AKAP19: variants seen among roughly 807,000 people sequenced by gnomAD.
AKAP19 encodes A-kinase anchoring protein 19, also known as small A-kinase anchoring protein.
At chr2:189,976,472 C>T in the AKAP19 span, among the ~76,000 whole-genome samples, 6 of 152,192 alleles carry the variant, frequency 3.9e-5, no homozygotes, top group South Asian at 2.1e-4. Flanking sequence ...TCTCCAGCTG[C>T]GTGCTGGGAG....
At chr2:189,933,345 T>TTTG in the AKAP19 span, among the ~76,000 whole-genome samples, 1 of 152,036 alleles carries the variant, frequency 6.6e-6, no homozygotes, top group African/African-American at 2.4e-5. Flanking sequence ...TAGCATTATG[T>TTTG]TTGTCACACT....
At chr2:190,073,974 G>A in the AKAP19 span, among the ~76,000 whole-genome samples, 1 of 151,570 alleles carries the variant, frequency 6.6e-6, no homozygotes, top group African/African-American at 2.4e-5. Context: ...CCTGGGAGGC[G>A]GAGGTTACAG....
the AKAP19 span, among the ~76,000 whole-genome samples, chr2:190,141,404 G>C: frequency 6.6e-6 from 1 of 152,120 alleles, no homozygotes. Context: ...CCTGAGACTG[G>C]GTAATTTATA....
At chr2:190,127,414 A>G in the AKAP19 span, among the ~76,000 whole-genome samples, 1 of 152,134 alleles carries the variant, frequency 6.6e-6, no homozygotes, top group Admixed American at 6.5e-5. Context: ...TAAATGGGAT[A>G]TTGAGAAGTG....
At chr2:190,031,264 G>A in the AKAP19 span, among the ~76,000 whole-genome samples, 1 of 152,202 alleles carries the variant, frequency 6.6e-6, no homozygotes, top group African/African-American at 2.4e-5. Flanking sequence ...GGGAAGGGCA[G>A]TATAGAGCAG....
chr2:190,090,539 T>C, the AKAP19 span, among the ~76,000 whole-genome samples: 28 of 152,208 alleles, frequency 1.8e-4, 1 homozygote, highest in East Asian at 1.9e-4. Flanking sequence ...TTCAGAACAG[T>C]CTTTTTTCTA....
the AKAP19 span, among the ~76,000 whole-genome samples, chr2:190,079,010 T>A: frequency 6.6e-6 from 1 of 152,284 alleles, no homozygotes; most frequent in East Asian, 1.9e-4. Context: ...AAAAAAACAT[T>A]TCATTTATTA....
the AKAP19 span, among the ~76,000 whole-genome samples, chr2:190,168,131 C>A: frequency 6.6e-6 from 1 of 152,318 alleles, no homozygotes; most frequent in Non-Finnish European, 1.5e-5. Context: ...GTTCTCAAAC[C>A]TCAATTCTTA....
chr2:189,982,201 T>G, the AKAP19 span, among the ~76,000 whole-genome samples: 16 of 151,194 alleles, frequency 1.1e-4, no homozygotes, highest in African/African-American at 3.4e-4. Flanking sequence ...TTTTGTTCAT[T>G]TTTTAAAAAT....
At chr2:189,973,805 T>C in the AKAP19 span, among the ~76,000 whole-genome samples, 1 of 152,228 alleles carries the variant, frequency 6.6e-6, no homozygotes, top group Admixed American at 6.5e-5. Context: ...TGGTAGTTTG[T>C]ATTTCTTTGG....
chr2:190,166,671 G>A, the AKAP19 span, among the ~76,000 whole-genome samples: 1 of 152,014 alleles, frequency 6.6e-6, no homozygotes, highest in Non-Finnish European at 1.5e-5. Context: ...GAAACCATTT[G>A]CTTATCTCTA....
chr2:190,107,439 T>C, the AKAP19 span, among the ~76,000 whole-genome samples: 1 of 152,220 alleles, frequency 6.6e-6, no homozygotes, highest in Admixed American at 6.5e-5. Flanking sequence ...TTCTGTCTTC[T>C]TACTCATCCA....
the AKAP19 span, among the ~76,000 whole-genome samples, chr2:190,174,941 C>T: frequency 6.6e-6 from 1 of 152,206 alleles, no homozygotes; most frequent in Non-Finnish European, 1.5e-5. Flanking sequence ...CCCAACTCCA[C>T]AAACATTTCA....
the AKAP19 span, chr2:189,917,207 G>C: frequency 2.3e-6 from 2 of 851,818 alleles, no homozygotes; most frequent in Non-Finnish European, 1.8e-6. Flanking sequence ...ACAAAATGCA[G>C]TGATCAAAAT....
the AKAP19 span, among the ~76,000 whole-genome samples, chr2:189,897,038 T>C: frequency 2.0e-5 from 3 of 152,116 alleles, no homozygotes; most frequent in Non-Finnish European, 2.9e-5. Context: ...GCTGTGTTAC[T>C]GTAGACTGTT....
At chr2:190,200,762 CTT>C in the AKAP19 span, 2 of 167,872 alleles carry the variant, frequency 1.2e-5, no homozygotes, top group Non-Finnish European at 2.9e-5. Context: ...ACGACTCAGA[CTT>C]TGTGCCTAAA....
At chr2:189,923,911 A>T in the AKAP19 span, 1 of 1,611,464 alleles carries the variant, frequency 6.2e-7, no homozygotes, top group Non-Finnish European at 8.5e-7. Context: ...AGATAAAACA[A>T]AAAGTGGATT....
the AKAP19 span, among the ~76,000 whole-genome samples, chr2:190,077,192 T>C: frequency 4.6e-5 from 7 of 152,256 alleles, no homozygotes; most frequent in African/African-American, 1.7e-4. Flanking sequence ...GTGGCTGTTT[T>C]AAAGTTCTTT....
chr2:190,096,421 T>C, the AKAP19 span, among the ~76,000 whole-genome samples: 1 of 152,224 alleles, frequency 6.6e-6, no homozygotes, highest in Non-Finnish European at 1.5e-5. Flanking sequence ...TTCAGATGCC[T>C]TCTGACTAAC....
Sources: gnomAD v4.1 joint callset for allele counts (sites outside exome capture counted in the v4.1 genomes callset) on GRCh38, gnomAD v4.1.1 for gene constraint, MANE v1.5 for transcripts, NCBI Gene and HGNC (gene_info 2026-07-23, HGNC 2026-07-21) for gene names.